Variants in MAN1C1 observed in about 807,000 individuals in gnomAD.
MAN1C1 encodes mannosyl-oligosaccharide 1,2-alpha-mannosidase IC.
In MAN1C1, 49 loss-of-function variants were observed where a neutral mutation model predicts 71.5. That is an observed-to-expected ratio of 0.69 (90% CI 0.54 to 0.87). The LOEUF (loss-of-function observed/expected upper bound fraction) is 0.87, where lower values mean the gene tolerates loss of function less well. Among genes scored for constraint, MAN1C1 ranks in the 40% least tolerant of loss-of-function variants. MAN1C1 has a pLI of 0.00. For missense variants in MAN1C1, 743 were observed against 835.0 expected, an observed-to-expected ratio of 0.89 and a Z score of 1.36; for synonymous variants, 352 against 343.7, an observed-to-expected ratio of 1.02 and a Z score of -0.27.
chr1:25,701,721 T>C (rs887117007), intron 2 of MAN1C1, among the ~76,000 whole-genome samples: 17 of 152,234 alleles, frequency 1.1e-4, no homozygotes, highest in Non-Finnish European at 2.2e-4. Context: ...CTGTTGACCC[T>C]ATTCATCTTC....
intron 1 of MAN1C1, among the ~76,000 whole-genome samples, chr1:25,636,968 A>G (rs907328868): frequency 6.6e-6 from 1 of 152,032 alleles, no homozygotes; most frequent in South Asian, 2.1e-4. Flanking sequence ...CAGCCTGGCC[A>G]GCATAGTGAA....
intron 2 of MAN1C1, among the ~76,000 whole-genome samples, chr1:25,740,810 C>T (rs1360955499): frequency 6.6e-6 from 1 of 151,846 alleles, no homozygotes; most frequent in Non-Finnish European, 1.5e-5. Flanking sequence ...GAGGGAAGGG[C>T]AAGGGTAGAT....
At chr1:25,667,252 G>A (rs1053494269) in intron 1 of MAN1C1, among the ~76,000 whole-genome samples, 39 of 152,226 alleles carry the variant, frequency 2.6e-4, no homozygotes, top group Admixed American at 1.4e-3. Context: ...GGGAGGCTGA[G>A]GCGGGCGGAT....
intron 2 of MAN1C1, among the ~76,000 whole-genome samples, chr1:25,699,948 G>A (rs1042887803): frequency 1.3e-5 from 2 of 152,116 alleles, no homozygotes; most frequent in Non-Finnish European, 2.9e-5. Flanking sequence ...AAGCATAAAC[G>A]GTCAGCATGA....
chr1:25,732,574 G>A (rs566585987), intron 2 of MAN1C1, among the ~76,000 whole-genome samples: 23 of 152,312 alleles, frequency 1.5e-4, no homozygotes, highest in African/African-American at 5.5e-4. Flanking sequence ...TGCGGCGTCC[G>A]GCATTTTGCA....
intron 7 of MAN1C1, among the ~76,000 whole-genome samples, chr1:25,767,931 CCA>C (rs1407990309): frequency 1.1e-5 from 1 of 94,804 alleles, no homozygotes; most frequent in Non-Finnish European, 2.2e-5. Context: ...CCACACAGAC[CCA>C]CACACCCACA....
At position 25,775,405 on chromosome 1, in the gene MAN1C1, C is replaced by T. The variant is rs556719318; in HGVS notation, c.1258-2700C>T. Among the ~76,000 whole-genome samples the T allele has an allele frequency of 9.0e-4, 137 of 152,344 alleles. No individual in the cohort carries two copies. The highest frequency in any genetic ancestry group is 3.3e-3 in the African/African-American group (136 of 41,574). On this transcript the variant is annotated intron_variant, in intron 8 of 11. Coordinates refer to ENST00000374332, the MANE Select transcript of MAN1C1 (RefSeq NM_020379.4). This position sits in a 1 kb window ranked among gnomAD's most constrained non-coding sequence, Gnocchi z 5.1. Reference sequence around the variant, plus strand: ...CTCAGTGTGGGTCCTGCAGCCAGCCCACCAGCCCTGGGCCCTGACAGGAGA... The same window carrying T: ...CTCAGTGTGGGTCCTGCAGCCAGCCTACCAGCCCTGGGCCCTGACAGGAGA...
At chr1:25,766,164 G>C in intron 7 of MAN1C1, among the ~76,000 whole-genome samples, 1 of 152,176 alleles carries the variant, frequency 6.6e-6, no homozygotes, top group South Asian at 2.1e-4. Flanking sequence ...GGCAGAGTCA[G>C]GGCCTGCAGG....
In MAN1C1 at chr1:25,725,159, A is replaced by C. The variant is rs1460496266; in HGVS notation, c.638-21509A>C. On this transcript the variant is annotated intron_variant, in intron 2 of 11. Coordinates refer to ENST00000374332, the MANE Select transcript of MAN1C1 (RefSeq NM_020379.4). This position sits in a 1 kb window ranked among gnomAD's most constrained non-coding sequence, Gnocchi z 4.8. ...TCTGGTCAATACCAATGTGGTGTGA[A>C]GACAAAAGGCTCAGTTTGCTCCTCT... Among the ~76,000 whole-genome samples, 1 of 152,238 alleles carries C rather than the reference A, an allele frequency of 6.6e-6. No homozygotes were observed. Among genetic ancestry groups the C allele is most frequent in the East Asian group, 1.9e-4 (1 of 5,198 alleles).
chr1:25,632,758 G>A (rs1288271310), intron 1 of MAN1C1, among the ~76,000 whole-genome samples: 1 of 152,060 alleles, frequency 6.6e-6, no homozygotes, highest in Non-Finnish European at 1.5e-5. Flanking sequence ...TCACTCAGGA[G>A]CAGATTGTTT....
intron 1 of MAN1C1, among the ~76,000 whole-genome samples, chr1:25,663,656 C>T (rs914277112): frequency 2.0e-5 from 3 of 151,976 alleles, no homozygotes; most frequent in African/African-American, 7.3e-5. Context: ...ATTACTGTGT[C>T]GAGGGCACAG....
At chr1:25,749,465 C>A in intron 4 of MAN1C1, 130 bp downstream of exon 4, 1 of 671,612 alleles carries the variant, frequency 1.5e-6, no homozygotes, top group Non-Finnish European at 2.4e-6. Flanking sequence ...TGGGGCCACC[C>A]AAGTCCACCC....
intron 8 of MAN1C1, among the ~76,000 whole-genome samples, chr1:25,777,412 C>T (rs2047632826): frequency 6.6e-6 from 1 of 152,168 alleles, no homozygotes; most frequent in South Asian, 2.1e-4. Context: ...ACAGCATCAC[C>T]TCCCTTCCCA....
intron 2 of MAN1C1, among the ~76,000 whole-genome samples, chr1:25,712,768 G>A (rs2046630507): frequency 6.6e-6 from 1 of 152,148 alleles, no homozygotes; most frequent in Non-Finnish European, 1.5e-5. Context: ...AGCCTAGTAG[G>A]TCTTAGGCTC....
At chr1:25,630,477 T>C (rs1247063957) in intron 1 of MAN1C1, among the ~76,000 whole-genome samples, 2 of 152,240 alleles carry the variant, frequency 1.3e-5, no homozygotes, top group East Asian at 3.8e-4. Context: ...ATTGAATCTG[T>C]AGATTGCTTT....
Position 25,753,702 on chromosome 1 carries a change from C to A in MAN1C1, c.929+124C>A. On this transcript the variant is annotated intron_variant, in intron 5 of 11. Coordinates refer to ENST00000374332, the MANE Select transcript of MAN1C1 (RefSeq NM_020379.4). The surrounding 1 kb of genome is among the most constrained non-coding windows in gnomAD (Gnocchi z 4.9). Reference sequence around the variant, plus strand: ...TAGGCAGGCAAGCAGGAGGGGGGACCCTTGGGACCACCTCTGTTGAACCCG... The same window carrying A: ...TAGGCAGGCAAGCAGGAGGGGGGACACTTGGGACCACCTCTGTTGAACCCG... The A allele has an allele frequency of 1.4e-6, 1 of 731,752 alleles. No individual in the cohort carries two copies. Among genetic ancestry groups the A allele is most frequent in the East Asian group, 2.9e-5 (1 of 35,034 alleles). The allele number at this position is 731,752 out of a possible 1,614,324, so 45.3% of individuals were successfully genotyped here.
At chr1:25,652,694 T>C (rs779216926) in intron 1 of MAN1C1, among the ~76,000 whole-genome samples, 8 of 152,214 alleles carry the variant, frequency 5.3e-5, no homozygotes, top group Non-Finnish European at 1.2e-4. Flanking sequence ...GGAGCAAAAT[T>C]ACTCAACCTC....
At chr1:25,709,594 C>T (rs1572166019) in intron 2 of MAN1C1, 1 of 152,186 alleles carries the variant, frequency 6.6e-6, no homozygotes, top group South Asian at 2.1e-4. Context: ...GTCTTGGTTA[C>T]AGTAAATGTC....
In MAN1C1 at chr1:25,769,093, C is replaced by G. The variant is rs557711675; in HGVS notation, c.1142-2564C>G. Among the ~76,000 whole-genome samples, 144 of 145,808 alleles carry G rather than the reference C, an allele frequency of 9.9e-4. 1 individual carries two copies. The highest frequency in any genetic ancestry group is 3.4e-3 in the African/African-American group (133 of 39,476). On this transcript the variant is annotated intron_variant, in intron 7 of 11. Transcript: ENST00000374332. This position sits in a 1 kb window ranked among gnomAD's most constrained non-coding sequence, Gnocchi z 4.8. The stretch of plus-strand genomic sequence containing the variant: ...ACACTCCCACACACACACCTATCAC[C>G]CACACTCCCTCCCACACACACACCA...
Sources: gnomAD v4.1 joint callset for allele counts (sites outside exome capture counted in the v4.1 genomes callset) on GRCh38, gnomAD v4.1.1 for gene constraint, Gnocchi (gnomAD v3.1) non-coding constraint, MANE v1.5 for transcripts, NCBI Gene and HGNC (gene_info 2026-07-23, HGNC 2026-07-21) for gene names.